Variants in NAALADL2 observed in about 807,000 individuals in gnomAD.
NAALADL2 encodes the protein N-acetylated alpha-linked acidic dipeptidase like 2.
NAALADL2 carries 76 observed loss-of-function variants against 87.2 expected under a neutral mutation model. The observed-to-expected ratio is 0.87, with a 90% CI of 0.72 to 1.05. The LOEUF is 1.05. Among genes scored for constraint, NAALADL2 ranks in the 50% least tolerant of loss-of-function variants. The pLI is 0.00. For synonymous variants in NAALADL2, 354 were observed against 331.0 expected (o/e 1.07, Z -0.75); for missense variants, 1,089 against 945.8 (o/e 1.15, Z -1.99).
rs1381103355 is a variant in NAALADL2, at chr3:175,667,219, GAAAGAAAGAAAGAAAGAAAGAA to G, written c.1896+39857_1896+39878del. On this transcript the variant is annotated intron_variant, in intron 11 of 13. Transcript: ENST00000454872. ...AGAAAGAAAGAAAGAAAGAAAGAAA[GAAAGAAAGAAAGAAAGAAAGAA>G]AAAGAAAGAAAGAAAGAAAGAAAGG... is the stretch of plus-strand genomic sequence containing the variant. 3.2e-3 allele frequency among the ~76,000 whole-genome samples: 404 copies of G among 124,996 alleles called. 2 individuals carry two copies. The highest frequency in any genetic ancestry group is 0.016 in the Middle Eastern group (4 of 252). The allele number at this position is 124,996 out of a possible 152,430, so 82.0% of individuals were successfully genotyped here.
At chr3:174,936,339 TATATA>T (rs1326877672) in intron 1 of NAALADL2, among the ~76,000 whole-genome samples, 2 of 152,008 alleles carry the variant, frequency 1.3e-5, no homozygotes, top group African/African-American at 4.8e-5. Context: ...AATTATTTCT[TATATA>T]ATAATAATAA....
chr3:174,577,797 C>T (rs1715697444), intron 2 of NAALADL2, among the ~76,000 whole-genome samples: 1 of 151,946 alleles, frequency 6.6e-6, no homozygotes. Flanking sequence ...AAAAGGTCAG[C>T]ATAAATTTAC....
intron 9 of NAALADL2, among the ~76,000 whole-genome samples, chr3:175,490,051 C>T (rs146919753): frequency 1.4e-4 from 21 of 152,214 alleles, no homozygotes; most frequent in Middle Eastern, 3.4e-3. Context: ...TTAATCATCG[C>T]GGCCCATCTC....
At chr3:175,764,936 G>T (rs1377755627) in intron 13 of NAALADL2, among the ~76,000 whole-genome samples, 1 of 151,996 alleles carries the variant, frequency 6.6e-6, no homozygotes, top group East Asian at 1.9e-4. Flanking sequence ...TGTTTGATTG[G>T]GATAATGACT....
At chr3:175,184,152 C>T (rs1243560264) in intron 2 of NAALADL2, among the ~76,000 whole-genome samples, 1 of 152,060 alleles carries the variant, frequency 6.6e-6, no homozygotes, top group East Asian at 1.9e-4. Context: ...TCCATAGTTG[C>T]TTGTGTGCCC....
chr3:175,066,126 G>T (rs1407467485), intron 1 of NAALADL2, among the ~76,000 whole-genome samples: 1 of 152,130 alleles, frequency 6.6e-6, no homozygotes, highest in Non-Finnish European at 1.5e-5. Context: ...CTGAAACAGG[G>T]TGACTGTTCC....
At chr3:175,181,750 T>TGTGTGTAC (rs1736569412) in intron 2 of NAALADL2, among the ~76,000 whole-genome samples, 1 of 135,636 alleles carries the variant, frequency 7.4e-6, no homozygotes. Flanking sequence ...TATATGTATA[T>TGTGTGTAC]ATATGTGTGT....
chr3:174,964,432 T>C (rs1473018018), intron 1 of NAALADL2, among the ~76,000 whole-genome samples: 2 of 152,090 alleles, frequency 1.3e-5, no homozygotes, highest in African/African-American at 4.8e-5. Context: ...TATAGAATAA[T>C]AATGATATAT....
intron 1 of NAALADL2, among the ~76,000 whole-genome samples, chr3:175,048,274 G>A (rs1580182998): frequency 6.6e-6 from 1 of 152,110 alleles, no homozygotes; most frequent in East Asian, 1.9e-4. Context: ...AAATTGGCAA[G>A]TTTATACCTA....
chr3:175,640,221 C>T (rs1362596441), intron 11 of NAALADL2, among the ~76,000 whole-genome samples: 1 of 151,976 alleles, frequency 6.6e-6, no homozygotes, highest in South Asian at 2.1e-4. Flanking sequence ...CCCATAGATG[C>T]ACAGCAAAGA....
At chr3:174,799,149 G>A (rs187407909) in intron 3 of NAALADL2, among the ~76,000 whole-genome samples, 5 of 149,432 alleles carry the variant, frequency 3.3e-5, no homozygotes, top group Admixed American at 1.3e-4. Context: ...CAGCCTGGGC[G>A]ACAGAGCAAG....
chr3:175,177,966 A>G (rs929245288), intron 2 of NAALADL2, among the ~76,000 whole-genome samples: 4 of 151,992 alleles, frequency 2.6e-5, no homozygotes, highest in African/African-American at 9.7e-5. Context: ...AACTATATTG[A>G]AATATATCCT....
At chr3:175,582,401 A>G (rs1432956107) in intron 10 of NAALADL2, among the ~76,000 whole-genome samples, 1 of 152,220 alleles carries the variant, frequency 6.6e-6, no homozygotes, top group Non-Finnish European at 1.5e-5. Context: ...ATATCATTGG[A>G]TCAAAATATA....
At chr3:174,838,935 C>A (rs571861385) in intron 3 of NAALADL2, among the ~76,000 whole-genome samples, 1 of 152,160 alleles carries the variant, frequency 6.6e-6, no homozygotes, top group African/African-American at 2.4e-5. Context: ...ATACAATCTA[C>A]AAATTCAATG....
At chr3:174,964,938 A>T (rs374592054) in intron 1 of NAALADL2, among the ~76,000 whole-genome samples, 31 of 152,042 alleles carry the variant, frequency 2.0e-4, no homozygotes, top group African/African-American at 6.5e-4. Flanking sequence ...TTGAGCTGAA[A>T]TGAAAATGGG....
At chr3:174,570,487 G>C (rs7615881) in intron 2 of NAALADL2, among the ~76,000 whole-genome samples, 151,310 of 152,236 alleles carry the variant, frequency 0.99, 75,198 homozygotes, top group East Asian at 1. Context: ...TAATATAATC[G>C]TGGCATCTTT....
intron 1 of NAALADL2, among the ~76,000 whole-genome samples, chr3:174,930,083 A>G (rs981032485): frequency 6.6e-6 from 1 of 152,174 alleles, no homozygotes; most frequent in Non-Finnish European, 1.5e-5. Flanking sequence ...AAAAGTATGC[A>G]TGTAGTATCC....
At chr3:174,724,618 T>C (rs1273730519) in intron 2 of NAALADL2, among the ~76,000 whole-genome samples, 4 of 152,172 alleles carry the variant, frequency 2.6e-5, no homozygotes, top group Non-Finnish European at 5.9e-5. Flanking sequence ...TCCCTAGGCA[T>C]AGAGAGCTTT....
chr3:175,435,093 A>T (rs1214323153), intron 5 of NAALADL2, among the ~76,000 whole-genome samples: 1 of 152,080 alleles, frequency 6.6e-6, no homozygotes, highest in Non-Finnish European at 1.5e-5. Flanking sequence ...GATTTAAAAA[A>T]TATTTATCAG....
Sources: allele counts gnomAD v4.1 joint callset (sites outside exome capture counted in the v4.1 genomes callset), GRCh38; gene constraint gnomAD v4.1.1; transcripts MANE v1.5; gene names NCBI Gene and HGNC (gene_info 2026-07-23, HGNC 2026-07-21).